TMEM131L: variants seen among roughly 807,000 people sequenced by gnomAD.
TMEM131L encodes the protein transmembrane protein 131-like.
A neutral mutation model predicts 192.2 loss-of-function variants in TMEM131L; 54 were observed. The ratio of observed to expected loss-of-function variants is 0.28; its 90% CI spans 0.23 to 0.35. The LOEUF (loss-of-function observed/expected upper bound fraction) is 0.35, where lower values mean the gene tolerates loss of function less well. Ranked by LOEUF, TMEM131L falls within the 10% of genes least tolerant of loss-of-function variation. The pLI, the probability that TMEM131L is intolerant of heterozygous loss-of-function variation, is 1.00. For missense variants in TMEM131L, 1,888 were observed against 1,972.9 expected, an observed-to-expected ratio of 0.96 and a Z score of 0.82; for synonymous variants, 701 against 704.9, an observed-to-expected ratio of 0.99 and a Z score of 0.09.
chr4:153,519,919 A>C (rs559422539), intron 3 of TMEM131L, among the ~76,000 whole-genome samples: 1 of 152,354 alleles, frequency 6.6e-6, no homozygotes, highest in South Asian at 2.1e-4. Context: ...ATTAATACAC[A>C]TGAAAACAAA....
intron 2 of TMEM131L, among the ~76,000 whole-genome samples, chr4:153,469,347 A>G (rs202105267): frequency 6.0e-5 from 9 of 150,592 alleles, no homozygotes; most frequent in Non-Finnish European, 1.0e-4. Context: ...ACACGTGTGT[A>G]TGTGTGTGTA....
intron 3 of TMEM131L, among the ~76,000 whole-genome samples, chr4:153,503,050 A>C (rs1733723552): frequency 6.6e-6 from 1 of 152,194 alleles, no homozygotes; most frequent in Non-Finnish European, 1.5e-5. Flanking sequence ...TTTAGTTAGA[A>C]GAACTCAGAG....
chr4:153,569,222 C>T (rs2150589639), intron 7 of TMEM131L, among the ~76,000 whole-genome samples: 1 of 152,314 alleles, frequency 6.6e-6, no homozygotes, highest in East Asian at 1.9e-4. Context: ...TTGGAATTAC[C>T]TGTTAAGCCT....
At chr4:153,602,916 A>C (rs1731946876) in intron 23 of TMEM131L, among the ~76,000 whole-genome samples, 189 bp downstream of exon 23, 1 of 152,234 alleles carries the variant, frequency 6.6e-6, no homozygotes, top group Non-Finnish European at 1.5e-5. Context: ...ACTAATCGTA[A>C]GAGAGTCATA....
At chr4:153,531,052 T>C (rs1023412629) in intron 3 of TMEM131L, among the ~76,000 whole-genome samples, 1 of 152,224 alleles carries the variant, frequency 6.6e-6, no homozygotes, top group African/African-American at 2.4e-5. Flanking sequence ...ATGAGCTGCA[T>C]TGGAAACAGA....
chr4:153,627,666 A>G lies in TMEM131L; in HGVS notation c.4186A>G (p.Thr1396Ala). 2 of 1,613,812 alleles carry G rather than the reference A, an allele frequency of 1.2e-6. No individual in the cohort carries two copies. Among genetic ancestry groups the G allele is most frequent in the Non-Finnish European group, 1.7e-6 (2 of 1,179,760 alleles). The change falls in exon 31 of 35, where the codon ACA becomes GCA. Residue 1396 changes from threonine (T) to alanine (A), a missense_variant. By Grantham distance (58) the Thr-to-Ala change is moderately conservative (BLOSUM62 0). Transcript: ENST00000409959. The part of the protein sequence containing the change: ...PSCPSLPAGP[T>A]GVEEDKGLYS... Reference sequence around the variant, plus strand: ...CTGTCCCAGCCTTCCTGCCGGGCCCACAGGTGTTGAAGAAGATAAAGGTGA... The same window carrying G: ...CTGTCCCAGCCTTCCTGCCGGGCCCGCAGGTGTTGAAGAAGATAAAGGTGA...
chr4:153,502,917 T>C lies in TMEM131L; in HGVS notation c.239+29029T>C, dbSNP rs375697374. On this transcript the variant is annotated intron_variant, in intron 3 of 34. Transcript: ENST00000409959. ...AACTAGGGGTCAATGACCCTTTTCC[T>C]AGATGTAACATTTCTAGAAAGCCAA... Among the ~76,000 whole-genome samples, 26 of 152,294 alleles carry C rather than the reference T, an allele frequency of 1.7e-4. No homozygotes were observed. The South Asian group carries it at 5.2e-3, about 30-fold the overall frequency.
intron 3 of TMEM131L, among the ~76,000 whole-genome samples, chr4:153,488,352 C>T (rs1044913612): frequency 2.0e-5 from 3 of 152,210 alleles, no homozygotes; most frequent in Admixed American, 2.0e-4. Flanking sequence ...GCACTGCCCA[C>T]CCCAAGGGGA....
At position 153,473,378 on chromosome 4, in the gene TMEM131L, T is replaced by C. The variant is rs772269098; in HGVS notation, c.196-467T>C. Reference sequence around the variant, plus strand: ...GTTTGTCTTCTAATACAGCCGGGGCTACTGATGGTGTGGGCTGCTGTGTTG... The same window carrying C: ...GTTTGTCTTCTAATACAGCCGGGGCCACTGATGGTGTGGGCTGCTGTGTTG... On this transcript the variant is annotated intron_variant, in intron 2 of 34. Coordinates refer to ENST00000409959, the MANE Select transcript of TMEM131L (RefSeq NM_001131007.2). Among the ~76,000 whole-genome samples the C allele has an allele frequency of 7.0e-4, 106 of 152,228 alleles. 1 individual carries two copies. The highest frequency in any genetic ancestry group is 1.9e-4 in the Non-Finnish European group (13 of 68,042).
chr4:153,525,554 G>A (rs1263513413), intron 3 of TMEM131L, among the ~76,000 whole-genome samples: 44 of 152,174 alleles, frequency 2.9e-4, no homozygotes, highest in Admixed American at 2.9e-3. Context: ...TGACCAGGCT[G>A]GTCTCGAGCT....
At chr4:153,493,914 A>T (rs771129387) in intron 3 of TMEM131L, among the ~76,000 whole-genome samples, 2 of 152,222 alleles carry the variant, frequency 1.3e-5, no homozygotes, top group African/African-American at 4.8e-5. Context: ...TCATTTTCTT[A>T]GTGGTGGCTG....
At chr4:153,579,611 A>AT (rs1379532194) in intron 7 of TMEM131L, among the ~76,000 whole-genome samples, 1 of 152,150 alleles carries the variant, frequency 6.6e-6, no homozygotes, top group Non-Finnish European at 1.5e-5. Context: ...AGCTGGGACT[A>AT]TAAGCGCACA....
intron 3 of TMEM131L, among the ~76,000 whole-genome samples, chr4:153,527,381 TC>T (rs751577271): frequency 6.6e-6 from 1 of 152,140 alleles, no homozygotes; most frequent in Non-Finnish European, 1.5e-5. Flanking sequence ...CAAGCAATTC[TC>T]CCACCTCATC....
rs555172567 is a variant in TMEM131L, at chr4:153,532,093, C to T, written c.240-17980C>T. On this transcript the variant is annotated intron_variant, in intron 3 of 34. Transcript: ENST00000409959. The stretch of plus-strand genomic sequence containing the variant: ...CAGGGGTTATATGTCAAATGGATCT[C>T]CACTGAAGGCCAAAGCTGTTCTTCC... 2.4e-4 allele frequency among the ~76,000 whole-genome samples: 36 copies of T among 152,260 alleles called. No individual in the cohort carries two copies. In the South Asian group the frequency reaches 7.1e-3, roughly 30 times the overall value.
At chr4:153,617,545 G>C (rs1733066217) in intron 26 of TMEM131L, among the ~76,000 whole-genome samples, 1 of 152,128 alleles carries the variant, frequency 6.6e-6, no homozygotes, top group Non-Finnish European at 1.5e-5. Flanking sequence ...TTTCTTACTA[G>C]GGAAAGGTGA....
intron 17 of TMEM131L, among the ~76,000 whole-genome samples, chr4:153,592,037 G>A (rs144550454): frequency 3.7e-4 from 56 of 152,154 alleles, no homozygotes; most frequent in African/African-American, 1.3e-3. Context: ...ATTTAAGAAC[G>A]AGGGCTTTTT....
chr4:153,504,265 C>CCA, intron 3 of TMEM131L, among the ~76,000 whole-genome samples: 1 of 97,930 alleles, frequency 1.0e-5, no homozygotes, highest in East Asian at 3.4e-4. Context: ...CCGCGGTCGG[C>CCA]CTTTTTTTTT....
At chr4:153,550,366 C>G (rs777202833) in intron 4 of TMEM131L, among the ~76,000 whole-genome samples, 5 of 152,026 alleles carry the variant, frequency 3.3e-5, no homozygotes, top group East Asian at 1.9e-4. Flanking sequence ...CTGCTCTGTC[C>G]ACCAGGCTGG....
chr4:153,631,854 T>C (rs989081678), intron 31 of TMEM131L, among the ~76,000 whole-genome samples: 1 of 152,186 alleles, frequency 6.6e-6, no homozygotes, highest in Admixed American at 6.5e-5. Flanking sequence ...TACACTGATA[T>C]CCTTGCTGTT....
Sources: allele counts gnomAD v4.1 joint callset (sites outside exome capture counted in the v4.1 genomes callset), GRCh38; gene constraint gnomAD v4.1.1; transcripts MANE v1.5; gene names NCBI Gene and HGNC (gene_info 2026-07-23, HGNC 2026-07-21).